TPO: variants seen among roughly 807,000 people sequenced by gnomAD.
The protein encoded by TPO is thyroid peroxidase, also known as thyroid microsomal antigen.
TPO carries 78 observed loss-of-function variants against 96.9 expected under a neutral mutation model. The observed-to-expected ratio is 0.81, with a 90% CI of 0.67 to 0.97. The LOEUF (loss-of-function observed/expected upper bound fraction) is 0.97. Ranked by LOEUF, TPO falls within the 50% of genes least tolerant of loss-of-function variation. TPO has a pLI of 0.00. For synonymous variants in TPO, 547 were observed against 538.0 expected, an observed-to-expected ratio of 1.02 and a Z score of -0.23; for missense variants, 1,252 against 1,274.8, an observed-to-expected ratio of 0.98 and a Z score of 0.27.
chr2:1,515,810 G>C (rs1674640297), intron 14 of TPO, among the ~76,000 whole-genome samples: 1 of 152,074 alleles, frequency 6.6e-6, no homozygotes, highest in African/African-American at 2.4e-5. Flanking sequence ...CGCTGCCTCT[G>C]TCTGGTACCT....
At chr2:1,531,185 C>T (rs112768740) in intron 15 of TPO, among the ~76,000 whole-genome samples, 6 of 126,670 alleles carry the variant, frequency 4.7e-5, no homozygotes, top group Non-Finnish European at 8.1e-5. Context: ...TGAGCAACCT[C>T]CCCAAATCCC....
chr2:1,539,011 G>A (rs1680409794), intron 15 of TPO, among the ~76,000 whole-genome samples: 1 of 152,020 alleles, frequency 6.6e-6, no homozygotes, highest in South Asian at 2.1e-4. Flanking sequence ...TTCCTATAAG[G>A]GCACCAGTCC....
At chr2:1,491,774 A>G (rs151080478) in intron 10 of TPO, among the ~76,000 whole-genome samples, 247 of 152,260 alleles carry the variant, frequency 1.6e-3, no homozygotes, top group Middle Eastern at 0.01. Context: ...GATAAAGATG[A>G]AATTTTGTTG....
chr2:1,472,227 T>C (rs1025731933), intron 7 of TPO, among the ~76,000 whole-genome samples: 13 of 151,946 alleles, frequency 8.6e-5, no homozygotes, highest in Non-Finnish European at 1.2e-4. Flanking sequence ...TTCTGAATGC[T>C]TATAGAGTGC....
rs1451664059 is a variant in TPO at position 1,496,617 on chromosome 2, G to C, written c.2238G>C (p.Glu746Asp). ...FPQDDKCGFP[E>D]SVENGDFVHC... Reference sequence around the variant, plus strand: ...TAGACGACAAGTGTGGCTTCCCAGAGAGCGTGGAGAATGGGGACTTTGTGC... The same window carrying C: ...TAGACGACAAGTGTGGCTTCCCAGACAGCGTGGAGAATGGGGACTTTGTGC... The change falls in exon 13 of 17, where the codon GAG becomes GAC. Residue 746 changes from glutamate (E) to aspartate (D), a missense_variant. Coordinates refer to ENST00000329066, the MANE Select transcript of TPO (RefSeq NM_001206744.2). 1 of 1,614,052 alleles carries C rather than the reference G, an allele frequency of 6.2e-7. No homozygotes were observed. Among genetic ancestry groups the C allele is most frequent in the African/African-American group, 1.3e-5 (1 of 75,042 alleles).
chr2:1,472,827 CAAAAAAA>C (rs34064729), intron 7 of TPO, among the ~76,000 whole-genome samples: 167 of 48,344 alleles, frequency 3.5e-3, no homozygotes, highest in African/African-American at 0.013. Context: ...TGTTTGGCGG[CAAAAAAA>C]AAAAAAAAAA....
rs528304705 is a variant in TPO at position 1,480,260 on chromosome 2, T to C, written c.1338+2656T>C. On this transcript the variant is annotated intron_variant, in intron 8 of 16. Coordinates refer to ENST00000329066, the MANE Select transcript of TPO (RefSeq NM_001206744.2). The stretch of plus-strand genomic sequence containing the variant: ...TTTTGAATTTCCTTTTGTATTTTTT[T>C]CAGTTAATAGGTCCTCTTTGGTGCT... Among the ~76,000 whole-genome samples, 122 of 152,312 alleles carry C rather than the reference T, an allele frequency of 8.0e-4. 6 individuals are homozygous for C. In the South Asian group the frequency reaches 0.021, roughly 26 times the overall value.
intron 8 of TPO, chr2:1,478,087 G>A (rs1670156754): frequency 3.0e-6 from 3 of 985,484 alleles, no homozygotes; most frequent in Non-Finnish European, 3.6e-6. Context: ...AGACAGTGCA[G>A]TGAATGAAGA....
chr2:1,440,837 G>T (rs989518266), intron 5 of TPO, among the ~76,000 whole-genome samples: 1 of 151,318 alleles, frequency 6.6e-6, no homozygotes, highest in Admixed American at 6.6e-5. Context: ...GAGGTACTAC[G>T]TTGGAAGCAA....
At chr2:1,389,871 C>T (rs776498555) in intron 1 of TPO, among the ~76,000 whole-genome samples, 5 of 152,170 alleles carry the variant, frequency 3.3e-5, no homozygotes, top group African/African-American at 2.4e-5. Flanking sequence ...TGATGAGCAA[C>T]CAGGACACTT....
chr2:1,496,639 G>T lies in TPO; in HGVS notation c.2260G>T (p.Val754Leu). Reference sequence around the variant, plus strand: ...AGAGAGCGTGGAGAATGGGGACTTTGTGCACTGTGAGGAGTCTGGGAGGCG... The same window carrying T: ...AGAGAGCGTGGAGAATGGGGACTTTTTGCACTGTGAGGAGTCTGGGAGGCG... The part of the protein sequence containing the change: ...FPESVENGDF[V>L]HCEESGRRVL... The change falls in exon 13 of 17, where the codon GTG becomes TTG. Residue 754 changes from valine (V) to leucine (L), a missense_variant. Physicochemically the swap from Val to Leu is conservative, Grantham distance 32 (BLOSUM62 1). Coordinates refer to ENST00000329066, the MANE Select transcript of TPO (RefSeq NM_001206744.2). 1 of 1,614,074 alleles carries T rather than the reference G, an allele frequency of 6.2e-7. No individual in the cohort carries two copies. The highest frequency in any genetic ancestry group is 8.5e-7 in the Non-Finnish European group (1 of 1,180,022).
At chr2:1,417,174 G>A (rs997250122) in intron 2 of TPO, among the ~76,000 whole-genome samples, 1 of 151,624 alleles carries the variant, frequency 6.6e-6, no homozygotes, top group African/African-American at 2.4e-5. Flanking sequence ...GGCCAGTGCC[G>A]TGACTCACAT....
At chr2:1,375,308 T>C (rs1661706008) in intron 1 of TPO, among the ~76,000 whole-genome samples, 1 of 152,086 alleles carries the variant, frequency 6.6e-6, no homozygotes, top group Non-Finnish European at 1.5e-5. Context: ...TTTATTTTGG[T>C]TTACAGTATT....
chr2:1,379,050 G>A (rs544223714), intron 1 of TPO, among the ~76,000 whole-genome samples: 1 of 152,198 alleles, frequency 6.6e-6, no homozygotes, highest in East Asian at 1.9e-4. Flanking sequence ...AAGAGTGAAG[G>A]CCCCAGAACT....
chr2:1,477,491 C>A lies in TPO; in HGVS notation c.1225C>A (p.Leu409Met). The A allele has an allele frequency of 6.5e-7, 1 of 1,531,580 alleles. No homozygotes were observed. The highest frequency in any genetic ancestry group is 8.7e-7 in the Non-Finnish European group (1 of 1,144,390). The allele number at this position is 1,531,580 out of a possible 1,614,324, so 94.9% of individuals were successfully genotyped here. A position where few individuals can be genotyped will look rare whatever the true frequency, so the allele number is the denominator to read the frequency against. ...EVPSLTALHT[L>M]WLREHNRLAA... is the part of the protein sequence containing the mutation. ...CCCCTCCCTGACGGCACTGCACACG[C>A]TGTGGCTGCGCGAGCACAACCGCCT... Residue 409 changes from leucine (L) to methionine (M), a missense_variant, in exon 8 of 17, where the codon CTG becomes ATG. Transcript: ENST00000329066.
At position 1,494,087 on chromosome 2, in the gene TPO, G is replaced by A. The variant is rs376431757; in HGVS notation, c.2006+48G>A. 4.5e-5 allele frequency: 72 copies of A among 1,589,938 alleles called. 1 individual carries two copies. The highest frequency in any genetic ancestry group is 5.7e-5 in the Non-Finnish European group (66 of 1,158,726). ...TTCCTTCACGTTCTGCACAGAGGCAGGTGGTCTGCGTTGGTTCTGAAGCCA... is the reference window on the plus strand; with the variant it reads ...TTCCTTCACGTTCTGCACAGAGGCAAGTGGTCTGCGTTGGTTCTGAAGCCA... On this transcript the variant is annotated intron_variant, in intron 11 of 16. Coordinates refer to ENST00000329066, the MANE Select transcript of TPO (RefSeq NM_001206744.2).
chr2:1,375,341 C>T (rs1661707366), intron 1 of TPO, among the ~76,000 whole-genome samples: 1 of 152,036 alleles, frequency 6.6e-6, no homozygotes, highest in Non-Finnish European at 1.5e-5. Flanking sequence ...GTGACCGAAG[C>T]AGATCTCAGT....
chr2:1,394,924 A>C (rs73165387), intron 1 of TPO, among the ~76,000 whole-genome samples: 3,119 of 152,102 alleles, frequency 0.021, 111 homozygotes, highest in African/African-American at 0.071. Context: ...GCTCCTAGTC[A>C]CCGCGCAGGG....
chr2:1,462,901 A>G (rs936795132), intron 7 of TPO, among the ~76,000 whole-genome samples: 1 of 152,220 alleles, frequency 6.6e-6, no homozygotes, highest in Non-Finnish European at 1.5e-5. Flanking sequence ...AACTTTAGAC[A>G]ATCATGTTAT....
Sources: gnomAD v4.1 joint callset for allele counts (sites outside exome capture counted in the v4.1 genomes callset) on GRCh38, gnomAD v4.1.1 for gene constraint, MANE v1.5 for transcripts, NCBI Gene and HGNC (gene_info 2026-07-23, HGNC 2026-07-21) for gene names.